The following KIZ variants were observed in gnomAD, a reference collection of about 807,000 sequenced individuals.
KIZ encodes the protein kizuna centrosomal protein, also known as centrosomal protein kizuna.
KIZ carries 68 observed loss-of-function variants against 79.6 expected under a neutral mutation model. The observed-to-expected ratio is 0.85, with a 90% CI of 0.70 to 1.05. KIZ has a LOEUF of 1.05. Among genes scored for constraint, KIZ ranks in the 50% least tolerant of loss-of-function variants. KIZ has a pLI of 0.00. For missense variants in KIZ, 797 were observed against 800.4 expected (o/e 1.00, Z 0.05); for synonymous variants, 280 against 281.8 (o/e 0.99, Z 0.06).
At chr20:21,185,478 C>T (rs148180579) in intron 6 of KIZ, among the ~76,000 whole-genome samples, 2,148 of 147,004 alleles carry the variant, frequency 0.015, 79 homozygotes, top group East Asian at 0.088. Context: ...GGCATGATCG[C>T]GGCTCACTGT....
intron 2 of KIZ, among the ~76,000 whole-genome samples, chr20:21,134,573 C>T (rs1193136702): frequency 1.3e-5 from 2 of 151,970 alleles, no homozygotes; most frequent in Non-Finnish European, 2.9e-5. Flanking sequence ...AGCTTTCTGA[C>T]ATGCTGTTCC....
intron 7 of KIZ, 58 bp from the exon 8 acceptor site, chr20:21,214,477 A>C: frequency 7.9e-7 from 1 of 1,269,432 alleles, no homozygotes; most frequent in Non-Finnish European, 1.1e-6. Context: ...TTTGAGACCA[A>C]GAGGAATGTG....
chr20:21,216,876 C>T (rs1198303893), intron 9 of KIZ, among the ~76,000 whole-genome samples: 1 of 152,170 alleles, frequency 6.6e-6, no homozygotes, highest in Non-Finnish European at 1.5e-5. Context: ...TTACAATCAT[C>T]CCTTGCTGGG....
intron 7 of KIZ, among the ~76,000 whole-genome samples, chr20:21,207,120 C>T (rs16982586): frequency 0.015 from 2,215 of 152,168 alleles, 47 homozygotes; most frequent in African/African-American, 0.05. Context: ...ATTATTGTTA[C>T]CATGCTCATA....
intron 4 of KIZ, among the ~76,000 whole-genome samples, 193 bp from the exon 5 acceptor site, chr20:21,161,678 A>G (rs1402715087): frequency 6.6e-6 from 1 of 152,166 alleles, no homozygotes; most frequent in Non-Finnish European, 1.5e-5. Context: ...TGTTATTAAA[A>G]TTAAATCCTA....
intron 10 of KIZ, 94 bp from the exon 11 acceptor site, chr20:21,232,640 G>C: frequency 4.3e-6 from 3 of 691,940 alleles, no homozygotes; most frequent in Non-Finnish European, 5.3e-6. Flanking sequence ...GTTGGCGTTT[G>C]TTTCACCAAA....
chr20:21,241,157 A>G (rs912181589), intron 11 of KIZ, among the ~76,000 whole-genome samples: 1 of 152,198 alleles, frequency 6.6e-6, no homozygotes, highest in African/African-American at 2.4e-5. Context: ...TCTAGTAGCC[A>G]AAGTAGTTGG....
intron 9 of KIZ, among the ~76,000 whole-genome samples, chr20:21,227,818 G>T (rs539363946): frequency 6.6e-6 from 1 of 152,228 alleles, no homozygotes; most frequent in Admixed American, 6.5e-5. Context: ...TATGCACTGT[G>T]TCTGATGTTT....
At chr20:21,180,353 T>C (rs908591323) in intron 6 of KIZ, among the ~76,000 whole-genome samples, 1 of 152,054 alleles carries the variant, frequency 6.6e-6, no homozygotes, top group Non-Finnish European at 1.5e-5. Flanking sequence ...ATTATGACAT[T>C]TTGGGGCAGT....
chr20:21,157,986 A>G (rs958532867), intron 4 of KIZ, among the ~76,000 whole-genome samples: 1 of 152,088 alleles, frequency 6.6e-6, no homozygotes, highest in Non-Finnish European at 1.5e-5. Context: ...TTGCACAGCC[A>G]CTCTGAGGCC....
chr20:21,128,497 A>C (rs1378097087), intron 1 of KIZ, among the ~76,000 whole-genome samples: 1 of 152,200 alleles, frequency 6.6e-6, no homozygotes, highest in Middle Eastern at 3.2e-3. Flanking sequence ...GCCCTTTTAG[A>C]GGTGGTCATT....
chr20:21,191,320 T>C (rs1392899196), intron 6 of KIZ, among the ~76,000 whole-genome samples: 3 of 152,264 alleles, frequency 2.0e-5, no homozygotes, highest in Non-Finnish European at 4.4e-5. Context: ...CTGCAAGTTT[T>C]CCATGTAATA....
chr20:21,210,769 T>G (rs1211193944), intron 7 of KIZ, among the ~76,000 whole-genome samples: 1 of 152,130 alleles, frequency 6.6e-6, no homozygotes, highest in Non-Finnish European at 1.5e-5. Context: ...CAGCTTTTTT[T>G]TTTTTAGGGG....
intron 9 of KIZ, among the ~76,000 whole-genome samples, chr20:21,222,659 C>G (rs1454639986): frequency 6.6e-6 from 1 of 152,180 alleles, no homozygotes; most frequent in African/African-American, 2.4e-5. Flanking sequence ...GTCAGCAGGG[C>G]CCTTGCCTCT....
At chr20:21,220,084 T>C (rs1031150973) in intron 9 of KIZ, among the ~76,000 whole-genome samples, 1 of 150,966 alleles carries the variant, frequency 6.6e-6, no homozygotes, top group Non-Finnish European at 1.5e-5. Context: ...TTTCTGTATA[T>C]AATAAGTAGT....
intron 6 of KIZ, chr20:21,195,543 T>G (rs1000314030): frequency 6.6e-6 from 1 of 152,106 alleles, no homozygotes; most frequent in Non-Finnish European, 1.5e-5. Flanking sequence ...CCAAAAACAT[T>G]AAGCCATGGT....
intron 11 of KIZ, among the ~76,000 whole-genome samples, chr20:21,240,945 T>A (rs1352002349): frequency 1.3e-5 from 2 of 152,176 alleles, no homozygotes; most frequent in Non-Finnish European, 2.9e-5. Context: ...CCTGAACTAT[T>A]TACTCCCTGG....
chr20:21,224,978 G>A (rs547516402), intron 9 of KIZ, among the ~76,000 whole-genome samples: 186 of 151,624 alleles, frequency 1.2e-3, no homozygotes, highest in Non-Finnish European at 2.0e-3. Context: ...TACACAAAAC[G>A]CATATCAAAA....
intron 7 of KIZ, 84 bp from the exon 8 acceptor site, chr20:21,214,451 A>G (rs1032970238): frequency 7.8e-6 from 7 of 898,670 alleles, no homozygotes; most frequent in African/African-American, 6.7e-5. Context: ...ACTTAAAATT[A>G]TATTTGAAGG....
Sources: allele counts gnomAD v4.1 joint callset (sites outside exome capture counted in the v4.1 genomes callset), GRCh38; gene constraint gnomAD v4.1.1; transcripts MANE v1.5; gene names NCBI Gene and HGNC (gene_info 2026-07-23, HGNC 2026-07-21).